Variants in KHDRBS1 observed in about 807,000 individuals in gnomAD.
The protein encoded by KHDRBS1 is KH RNA binding domain containing, signal transduction associated 1, also known as KH domain-containing, RNA-binding, signal transduction-associated protein 1.
Under a neutral mutation model 48.4 loss-of-function variants are expected in KHDRBS1, and 7 were observed. The observed-to-expected ratio is 0.14, with a 90% CI of 0.08 to 0.27. The LOEUF (loss-of-function observed/expected upper bound fraction) is 0.27. Among genes scored for constraint, KHDRBS1 ranks in the 10% least tolerant of loss-of-function variants. The pLI, the probability that KHDRBS1 is intolerant of heterozygous loss-of-function variation, is 1.00. For synonymous variants in KHDRBS1, 241 were observed against 235.8 expected, an observed-to-expected ratio of 1.02 and a Z score of -0.20; for missense variants, 458 against 601.2, an observed-to-expected ratio of 0.76 and a Z score of 2.49.
chr1:32,022,822 G>A (rs1323732598), intron 1 of KHDRBS1, among the ~76,000 whole-genome samples: 3 of 151,974 alleles, frequency 2.0e-5, no homozygotes, highest in African/African-American at 4.8e-5. Flanking sequence ...CCCGGGAGGC[G>A]GAGGTTGCAG....
intron 7 of KHDRBS1, 22 bp downstream of exon 7, chr1:32,038,641 C>T (rs1216672447): frequency 1.2e-6 from 2 of 1,611,566 alleles, no homozygotes; most frequent in African/African-American, 2.7e-5. Flanking sequence ...AGTATAAGCA[C>T]TGTTTTTTGT....
At chr1:32,049,332 G>A (rs1267497514) in intron 10 of KHDRBS1, among the ~76,000 whole-genome samples, 8 of 152,036 alleles carry the variant, frequency 5.3e-5, no homozygotes, top group Admixed American at 2.6e-4. Flanking sequence ...TGGGATTACA[G>A]ACGTGAGCCA....
chr1:32,059,533 C>T, intron 10 of KHDRBS1, among the ~76,000 whole-genome samples: 1 of 148,836 alleles, frequency 6.7e-6, no homozygotes, highest in Admixed American at 6.7e-5. Context: ...AAGCAAGACT[C>T]TTTCTTTAAA....
chr1:32,016,846 G>C (rs1035949597), intron 1 of KHDRBS1, among the ~76,000 whole-genome samples: 6 of 152,194 alleles, frequency 3.9e-5, no homozygotes, highest in Non-Finnish European at 8.8e-5. Context: ...GGAATCTTTT[G>C]TCTACTTTGT....
intron 7 of KHDRBS1, among the ~76,000 whole-genome samples, 167 bp downstream of exon 7, chr1:32,038,786 T>C (rs946877084): frequency 3.9e-5 from 6 of 152,170 alleles, no homozygotes; most frequent in Non-Finnish European, 8.8e-5. Flanking sequence ...ACTCTTGAGC[T>C]CAAGCAGTCC....
intron 10 of KHDRBS1, among the ~76,000 whole-genome samples, chr1:32,055,171 C>T (rs768301354): frequency 1.3e-5 from 2 of 152,138 alleles, no homozygotes; most frequent in Non-Finnish European, 2.9e-5. Context: ...GATCCTGGGC[C>T]GGGTGCGGTG....
intron 1 of KHDRBS1, among the ~76,000 whole-genome samples, chr1:32,015,425 C>T (rs980292790): frequency 1.3e-5 from 2 of 152,128 alleles, no homozygotes; most frequent in African/African-American, 4.8e-5. Flanking sequence ...TAGTTGGACT[C>T]TTTGGCAAGG....
chr1:32,017,670 C>T (rs995247689), intron 1 of KHDRBS1, among the ~76,000 whole-genome samples: 8 of 134,274 alleles, frequency 6.0e-5, no homozygotes, highest in South Asian at 4.7e-4. Context: ...TGCAATGGCG[C>T]GATCTTGGCT....
At chr1:32,016,384 G>A (rs895011787) in intron 1 of KHDRBS1, among the ~76,000 whole-genome samples, 4 of 152,160 alleles carry the variant, frequency 2.6e-5, no homozygotes, top group African/African-American at 7.2e-5. Context: ...AAATTAGTAA[G>A]CATCGTAACC....
At chr1:32,038,128 C>T (rs1639219989) in intron 6 of KHDRBS1, 92 bp downstream of exon 6, 1 of 1,546,138 alleles carries the variant, frequency 6.5e-7, no homozygotes, top group South Asian at 1.2e-5. Context: ...ATGTAGGTGT[C>T]ATGGACTGCC....
At chr1:32,034,706 G>C (rs528624334) in intron 4 of KHDRBS1, among the ~76,000 whole-genome samples, 1 of 152,148 alleles carries the variant, frequency 6.6e-6, no homozygotes, top group East Asian at 1.9e-4. Flanking sequence ...GGCAGGGCGC[G>C]GTGGCTCACA....
chr1:32,018,494 G>A (rs1056534701), intron 1 of KHDRBS1, among the ~76,000 whole-genome samples: 5 of 151,748 alleles, frequency 3.3e-5, no homozygotes, highest in African/African-American at 1.2e-4. Context: ...GGTGGCTCAC[G>A]CCTGTAATCC....
intron 10 of KHDRBS1, among the ~76,000 whole-genome samples, chr1:32,053,485 G>A (rs1254167131): frequency 1.3e-5 from 2 of 152,070 alleles, no homozygotes; most frequent in Non-Finnish European, 2.9e-5. Context: ...TGAACTCCTG[G>A]TCTCAAGCTG....
chr1:32,058,541 G>C (rs1429174045), intron 10 of KHDRBS1, among the ~76,000 whole-genome samples: 2 of 152,162 alleles, frequency 1.3e-5, no homozygotes, highest in Non-Finnish European at 2.9e-5. Context: ...GAGGAGGGGG[G>C]GTGTGGAAAA....
intron 10 of KHDRBS1, among the ~76,000 whole-genome samples, chr1:32,056,623 G>A (rs780410492): frequency 1.4e-4 from 22 of 152,134 alleles, no homozygotes; most frequent in African/African-American, 5.3e-4. Flanking sequence ...CAGCCTTCAT[G>A]GTTCCTATTC....
chr1:32,034,696 G>T (rs527426075), intron 4 of KHDRBS1, among the ~76,000 whole-genome samples: 5 of 152,008 alleles, frequency 3.3e-5, no homozygotes, highest in African/African-American at 1.2e-4. Flanking sequence ...TTCAACATGA[G>T]GCAGGGCGCG....
chr1:32,014,388 C>CT lies in KHDRBS1; in HGVS notation c.382+12dup. On this transcript the variant is annotated intron_variant, in intron 1 of 8. Transcript: ENST00000327300. ...AGCTGCTGACGGCAGGTAAGGGGGC[C>CT]TCCCGTGTCCCTCTGGGTCGCCCGG... 1 of 1,366,900 alleles carries CT rather than the reference C, an allele frequency of 7.3e-7. No individual in the cohort carries two copies. Among genetic ancestry groups the CT allele is most frequent in the Non-Finnish European group, 9.6e-7 (1 of 1,041,778 alleles). The allele number at this position is 1,366,900 out of a possible 1,614,324, so 84.7% of individuals were successfully genotyped here.
intron 6 of KHDRBS1, 52 bp from the exon 7 acceptor site, chr1:32,038,500 A>G: frequency 5.7e-6 from 9 of 1,566,652 alleles, no homozygotes; most frequent in Non-Finnish European, 7.9e-6. Flanking sequence ...TACCTTTCCT[A>G]CTCTCTATGA....
At chr1:32,026,347 G>C (rs570115934) in intron 1 of KHDRBS1, among the ~76,000 whole-genome samples, 2 of 151,774 alleles carry the variant, frequency 1.3e-5, no homozygotes, top group South Asian at 4.2e-4. Context: ...TTATAGAGAA[G>C]GGGTCTCACT....
Sources: allele counts gnomAD v4.1 joint callset (sites outside exome capture counted in the v4.1 genomes callset), GRCh38; gene constraint gnomAD v4.1.1; transcripts MANE v1.5; gene names NCBI Gene and HGNC (gene_info 2026-07-23, HGNC 2026-07-21).